CNOT4: variants seen among roughly 807,000 people sequenced by gnomAD.
CNOT4 encodes the protein CCR4-NOT transcription complex subunit 4, also known as CCR4-associated factor 4.
Under a neutral mutation model 73.8 loss-of-function variants are expected in CNOT4, and 8 were observed. The observed-to-expected ratio is 0.11, with a 90% CI of 0.06 to 0.20. The LOEUF is 0.20. CNOT4 is among the 10% of genes least tolerant of loss of function. The pLI is 1.00. For synonymous variants in CNOT4, 293 were observed against 321.1 expected, an observed-to-expected ratio of 0.91 and a Z score of 0.94; for missense variants, 564 against 883.4, an observed-to-expected ratio of 0.64 and a Z score of 4.58.
At chr7:135,388,455 T>C (rs1471429284) in intron 10 of CNOT4, 1 of 988,430 alleles carries the variant, frequency 1.0e-6, no homozygotes, top group Non-Finnish European at 1.2e-6. Flanking sequence ...GATACTACCA[T>C]TACCTTTGTA....
chr7:135,468,251 T>C (rs528928198), intron 1 of CNOT4, among the ~76,000 whole-genome samples: 8 of 151,838 alleles, frequency 5.3e-5, no homozygotes, highest in Non-Finnish European at 1.2e-4. Context: ...AATAAATAAA[T>C]AAATAAAATA....
intron 10 of CNOT4, among the ~76,000 whole-genome samples, chr7:135,373,726 G>A (rs905826286): frequency 1.3e-5 from 2 of 151,182 alleles, no homozygotes; most frequent in Admixed American, 6.6e-5. Flanking sequence ...ACAGGCAAGT[G>A]CCACCAAGCC....
intron 7 of CNOT4, among the ~76,000 whole-genome samples, chr7:135,398,719 A>G (rs1393954644): frequency 1.3e-5 from 2 of 152,040 alleles, no homozygotes; most frequent in East Asian, 1.9e-4. Context: ...TTATAGGGGG[A>G]AAAAAGGCAC....
At position 135,391,301 on chromosome 7, in the gene CNOT4, G is replaced by A. The variant is rs184787786; in HGVS notation, c.1627+2617C>T. Among the ~76,000 whole-genome samples, 417 of 152,204 alleles carry A rather than the reference G, an allele frequency of 2.7e-3. 1 individual carries two copies. Among genetic ancestry groups the A allele is most frequent in the Middle Eastern group, 3.4e-3 (1 of 294 alleles). On this transcript the variant is annotated intron_variant, in intron 10 of 11. Coordinates refer to ENST00000541284, the MANE Select transcript of CNOT4 (RefSeq NM_001190850.2). Reference sequence around the variant, plus strand: ...TTATAATCCATGAGAGGATTCTGGTGTGTGAGACTCTTGATAAAAATTTTT... The same window carrying A: ...TTATAATCCATGAGAGGATTCTGGTATGTGAGACTCTTGATAAAAATTTTT...
At chr7:135,476,893 G>A (rs967347488) in intron 1 of CNOT4, among the ~76,000 whole-genome samples, 1 of 151,660 alleles carries the variant, frequency 6.6e-6, no homozygotes, top group African/African-American at 2.4e-5. Context: ...AGGACAGCTT[G>A]AGCCAGGGAG....
rs1239378731 is a variant in CNOT4 at position 135,372,822 on chromosome 7, T to A, written c.1628-8756A>T. On this transcript the variant is annotated intron_variant, in intron 10 of 11. Coordinates refer to ENST00000541284, the MANE Select transcript of CNOT4 (RefSeq NM_001190850.2). ...CACCAGCCTCAGCCTCCCAAAGTGC[T>A]GGGATTACAGGCGTGAGCCACCGCA... Among the ~76,000 whole-genome samples, 4 of 152,302 alleles carry A rather than the reference T, an allele frequency of 2.6e-5. No individual in the cohort carries two copies. In the East Asian group the frequency reaches 7.7e-4, roughly 29 times the overall value.
intron 1 of CNOT4, among the ~76,000 whole-genome samples, chr7:135,464,956 C>A (rs1046007857): frequency 6.6e-6 from 1 of 151,920 alleles, no homozygotes; most frequent in African/African-American, 2.4e-5. Context: ...CAGATTAAAG[C>A]TACTAATTTG....
At chr7:135,437,385 T>A (rs1022967344) in intron 2 of CNOT4, among the ~76,000 whole-genome samples, 54 of 152,094 alleles carry the variant, frequency 3.6e-4, no homozygotes, top group African/African-American at 1.0e-3. Flanking sequence ...GAGACAGGGT[T>A]TCACTGTGTT....
At chr7:135,419,964 A>C (rs551994389) in intron 3 of CNOT4, among the ~76,000 whole-genome samples, 38 of 152,030 alleles carry the variant, frequency 2.5e-4, no homozygotes, top group South Asian at 1.0e-3. Context: ...GAGACAGGAG[A>C]ATCACTTGAA....
intron 10 of CNOT4, among the ~76,000 whole-genome samples, chr7:135,365,101 C>T (rs1203254196): frequency 2.0e-5 from 3 of 152,182 alleles, no homozygotes; most frequent in Admixed American, 6.5e-5. Flanking sequence ...CTAACAGGCA[C>T]GATCTATGCT....
At chr7:135,479,199 T>A (rs892048923) in intron 1 of CNOT4, among the ~76,000 whole-genome samples, 1 of 55,052 alleles carries the variant, frequency 1.8e-5, no homozygotes, top group South Asian at 6.3e-4. Context: ...TAGAACCAAA[T>A]TTTTTTTTTT....
In CNOT4 at chr7:135,414,314, C is replaced by T; in HGVS notation, c.561+17G>A. On this transcript the variant is annotated intron_variant, in intron 5 of 11. Transcript: ENST00000541284. ...CTTCCTTAAAAAAAAAAAAAAGAAT[C>T]AAGAGGACTATATTACCTTAAGTGT... 1 of 849,744 alleles carries T rather than the reference C, an allele frequency of 1.2e-6. No individual in the cohort carries two copies. The highest frequency in any genetic ancestry group is 1.9e-6 in the Non-Finnish European group (1 of 519,742). 52.6% of individuals were successfully genotyped at this position (849,744 alleles called of 1,614,324 possible). A position where few individuals can be genotyped will look rare whatever the true frequency, so the allele number is the denominator to read the frequency against.
intron 3 of CNOT4, among the ~76,000 whole-genome samples, chr7:135,416,465 C>T (rs574057642): frequency 6.6e-6 from 1 of 152,210 alleles, no homozygotes; most frequent in African/African-American, 2.4e-5. Flanking sequence ...ATCTCTTTTC[C>T]ACCCAAAACC....
rs183143772 is a variant in CNOT4, at chr7:135,442,418, G to A, written c.-92-3995C>T. On this transcript the variant is annotated intron_variant, in intron 1 of 11. Coordinates refer to ENST00000541284, the MANE Select transcript of CNOT4 (RefSeq NM_001190850.2). ...TCGAGACCAGCCTGGCCAACATGGT[G>A]AAACCCCGTCTCTACTAAAAATACA... is the stretch of plus-strand genomic sequence containing the variant. Among the ~76,000 whole-genome samples, 458 of 152,176 alleles carry A rather than the reference G, an allele frequency of 3.0e-3. 1 individual carries two copies. The highest frequency in any genetic ancestry group is 0.011 in the African/African-American group (437 of 41,526).
intron 2 of CNOT4, among the ~76,000 whole-genome samples, chr7:135,423,307 A>G (rs982682000): frequency 2.6e-5 from 4 of 151,898 alleles, no homozygotes; most frequent in African/African-American, 9.7e-5. Context: ...CTGGTAGGGA[A>G]ATTGGCACCT....
At chr7:135,465,709 G>A (rs749976537) in intron 1 of CNOT4, among the ~76,000 whole-genome samples, 9 of 151,230 alleles carry the variant, frequency 6.0e-5, no homozygotes, top group Non-Finnish European at 1.3e-4. Flanking sequence ...GTGGGCGAAT[G>A]TAAGCATGTG....
chr7:135,400,675 C>T (rs1021937906), intron 7 of CNOT4, among the ~76,000 whole-genome samples: 50 of 152,124 alleles, frequency 3.3e-4, no homozygotes, highest in African/African-American at 1.1e-3. Context: ...CACCATCCAA[C>T]TGCAATTTCC....
At chr7:135,480,133 G>A (rs985702222) in intron 1 of CNOT4, among the ~76,000 whole-genome samples, 7 of 152,100 alleles carry the variant, frequency 4.6e-5, no homozygotes. Context: ...ATTTTCTCCA[G>A]TGTTATTATT....
At chr7:135,445,477 C>A (rs1799770228) in intron 1 of CNOT4, among the ~76,000 whole-genome samples, 1 of 152,102 alleles carries the variant, frequency 6.6e-6, no homozygotes, top group Non-Finnish European at 1.5e-5. Flanking sequence ...TTATAAATTT[C>A]TAAATCCTAG....
Sources: gnomAD v4.1 joint callset for allele counts (sites outside exome capture counted in the v4.1 genomes callset) on GRCh38, gnomAD v4.1.1 for gene constraint, MANE v1.5 for transcripts, NCBI Gene and HGNC (gene_info 2026-07-23, HGNC 2026-07-21) for gene names.